CADM1: variants seen among roughly 807,000 people sequenced by gnomAD.
CADM1 encodes the protein TSLC-1.
In CADM1, 15 loss-of-function variants were observed where a neutral mutation model predicts 53.1. That is an observed-to-expected ratio of 0.28 (90% CI 0.19 to 0.44). The LOEUF (loss-of-function observed/expected upper bound fraction) is 0.44, where lower values mean the gene tolerates loss of function less well. CADM1 is among the 20% of genes least tolerant of loss of function. The pLI, the probability that CADM1 is intolerant of heterozygous loss-of-function variation, is 1.00. For missense variants in CADM1, 434 were observed against 611.3 expected (o/e 0.71, Z 3.06); for synonymous variants, 281 against 243.0 (o/e 1.16, Z -1.45).
At chr11:115,203,013 G>C (rs897355670) in intron 8 of CADM1, among the ~76,000 whole-genome samples, 1 of 152,166 alleles carries the variant, frequency 6.6e-6, no homozygotes, top group African/African-American at 2.4e-5. Flanking sequence ...AGGGATGGGA[G>C]AAGTGGATAG....
At chr11:115,332,994 G>A (rs944940887) in intron 1 of CADM1, among the ~76,000 whole-genome samples, 11 of 152,050 alleles carry the variant, frequency 7.2e-5, no homozygotes, top group East Asian at 5.8e-4. Context: ...CACCCTGTGC[G>A]AGGTCCTCCT....
chr11:115,238,388 T>C (rs1279337367), intron 3 of CADM1, 112 bp downstream of exon 3: 6 of 1,197,414 alleles, frequency 5.0e-6, no homozygotes. Flanking sequence ...GGGCGGTGAT[T>C]CTTCCTGAAA....
At chr11:115,205,955 C>T (rs137889849) in intron 8 of CADM1, among the ~76,000 whole-genome samples, 177 of 152,304 alleles carry the variant, frequency 1.2e-3, no homozygotes, top group African/African-American at 3.9e-3. Context: ...TCCCAATCAA[C>T]GCACCCTAAG....
At chr11:115,433,053 T>C (rs1451868763) in intron 1 of CADM1, among the ~76,000 whole-genome samples, 2 of 152,176 alleles carry the variant, frequency 1.3e-5, no homozygotes, top group African/African-American at 4.8e-5. Flanking sequence ...TTAATAGATG[T>C]GTAAGTCACA....
intron 1 of CADM1, among the ~76,000 whole-genome samples, chr11:115,334,629 T>C (rs1288451247): frequency 6.6e-6 from 1 of 152,124 alleles, no homozygotes; most frequent in Non-Finnish European, 1.5e-5. Context: ...AAATAGTCTG[T>C]ATAGGGTTCA....
At chr11:115,386,031 T>G (rs561361491) in intron 1 of CADM1, among the ~76,000 whole-genome samples, 9 of 152,366 alleles carry the variant, frequency 5.9e-5, no homozygotes, top group African/African-American at 2.2e-4. Flanking sequence ...CAAAATTACC[T>G]GCTGGAATGA....
chr11:115,223,612 A>G (rs1465089659), intron 5 of CADM1, among the ~76,000 whole-genome samples: 15 of 152,174 alleles, frequency 9.9e-5, no homozygotes, highest in Non-Finnish European at 2.2e-4. Context: ...GTATAAAGGC[A>G]AAGGCTTTTC....
At chr11:115,210,368 TC>T (rs1429661726) in intron 7 of CADM1, among the ~76,000 whole-genome samples, 1 of 152,224 alleles carries the variant, frequency 6.6e-6, no homozygotes, top group African/African-American at 2.4e-5. Flanking sequence ...AAGAACGTTT[TC>T]CATCTTGTAA....
intron 1 of CADM1, among the ~76,000 whole-genome samples, chr11:115,275,178 C>A (rs1158320926): frequency 2.6e-5 from 4 of 152,222 alleles, no homozygotes; most frequent in Non-Finnish European, 5.9e-5. Flanking sequence ...CCGTGGGAGC[C>A]ACATACAGTC....
chr11:115,436,257 C>T (rs1033641115), intron 1 of CADM1, among the ~76,000 whole-genome samples: 1 of 152,032 alleles, frequency 6.6e-6, no homozygotes, highest in Non-Finnish European at 1.5e-5. Flanking sequence ...CCATTTTTTT[C>T]TAATTCTGGT....
chr11:115,198,969 T>A, intron 8 of CADM1, among the ~76,000 whole-genome samples: 1 of 152,242 alleles, frequency 6.6e-6, no homozygotes, highest in Admixed American at 6.5e-5. Context: ...TATGCTCAGA[T>A]GCCTGTAGAT....
rs763609812 is a variant in CADM1 at position 115,391,568 on chromosome 11, C to T, written c.124+112703G>A. ...GGCAAAAGAGAAGAGGAGGAGGATG[C>T]GGGAGGGAGAGAGGAATCCAGAAAT... On this transcript the variant is annotated intron_variant, in intron 1 of 11. Coordinates refer to ENST00000331581, the MANE Select transcript of CADM1 (RefSeq NM_001301043.2). Among the ~76,000 whole-genome samples the T allele has an allele frequency of 2.0e-5, 3 of 152,066 alleles. No homozygotes were observed. The East Asian group carries it at 5.8e-4, about 29-fold the overall frequency.
rs116282495 is a variant in CADM1, at chr11:115,266,412, A to G, written c.125-25992T>C. On this transcript the variant is annotated intron_variant, in intron 1 of 11. Coordinates refer to ENST00000331581, the MANE Select transcript of CADM1 (RefSeq NM_001301043.2). ...TGTGCTACTGCCTGGGGCCTGCTGG[A>G]GTGCCATGTCTGCATTATGACAGTG... Among the ~76,000 whole-genome samples the G allele has an allele frequency of 5.0e-3, 761 of 152,292 alleles. 9 individuals carry two copies. Among genetic ancestry groups the G allele is most frequent in the African/African-American group, 0.018 (732 of 41,570 alleles).
intron 1 of CADM1, among the ~76,000 whole-genome samples, chr11:115,462,035 A>G (rs1031997822): frequency 1.3e-5 from 2 of 152,226 alleles, no homozygotes; most frequent in Middle Eastern, 3.4e-3. Context: ...GTAGAGGGAG[A>G]AAAAAGAGCT....
rs531357704 is a variant in CADM1, at chr11:115,199,335, G to A, written c.1079-897C>T. ...AGTCCTGCTTTCATGGCTGGAGTAG[G>A]AGAGAGTGCAGTTTTTTGTTTTTGT... is the stretch of plus-strand genomic sequence containing the variant. On this transcript the variant is annotated intron_variant, in intron 8 of 11. Transcript: ENST00000331581. Among the ~76,000 whole-genome samples, 51 of 152,332 alleles carry A rather than the reference G, an allele frequency of 3.3e-4. 1 individual carries two copies. In the South Asian group the frequency reaches 0.011, roughly 32 times the overall value.
At chr11:115,345,090 G>T (rs1195655246) in intron 1 of CADM1, among the ~76,000 whole-genome samples, 1 of 152,142 alleles carries the variant, frequency 6.6e-6, no homozygotes, top group East Asian at 1.9e-4. Flanking sequence ...GGCCTAGGCT[G>T]TCTAGGGACA....
intron 1 of CADM1, among the ~76,000 whole-genome samples, chr11:115,324,550 G>A (rs1473717407): frequency 1.3e-5 from 2 of 152,076 alleles, no homozygotes. Context: ...ACCTTAAAAA[G>A]CAATTAAGGG....
intron 1 of CADM1, among the ~76,000 whole-genome samples, chr11:115,454,615 T>C (rs186336992): frequency 2.0e-5 from 3 of 152,316 alleles, no homozygotes; most frequent in African/African-American, 7.2e-5. Flanking sequence ...AAGTTCCAAA[T>C]TCTTTGAAAG....
chr11:115,307,517 A>AAT (rs1555060903), intron 1 of CADM1, among the ~76,000 whole-genome samples: 6,882 of 144,232 alleles, frequency 0.048, 235 homozygotes, highest in East Asian at 0.15. Context: ...GGAAAAAAAA[A>AAT]ATATATATAT....
Sources: allele counts gnomAD v4.1 joint callset (sites outside exome capture counted in the v4.1 genomes callset), GRCh38; gene constraint gnomAD v4.1.1; transcripts MANE v1.5; gene names NCBI Gene and HGNC (gene_info 2026-07-23, HGNC 2026-07-21).